The following CLSTN2 variants were observed in gnomAD, a reference collection of about 807,000 sequenced individuals.
The protein encoded by CLSTN2 is calsyntenin-2.
A neutral mutation model predicts 101.2 loss-of-function variants in CLSTN2; 48 were observed. That is an observed-to-expected ratio of 0.47 (90% CI 0.38 to 0.60). CLSTN2 has a LOEUF of 0.60. CLSTN2 is among the 20% of genes least tolerant of loss of function. CLSTN2 has a pLI of 0.00. For synonymous variants in CLSTN2, 481 were observed against 463.6 expected (o/e 1.04, Z -0.48); for missense variants, 1,160 against 1,238.2 (o/e 0.94, Z 0.95).
chr3:140,537,512 C>T (rs1433096964), intron 9 of CLSTN2, among the ~76,000 whole-genome samples: 2 of 151,802 alleles, frequency 1.3e-5, no homozygotes, highest in Non-Finnish European at 2.9e-5. Context: ...AAAGAGGTCC[C>T]CTTCCTCTGT....
At position 140,516,823 on chromosome 3, in the gene CLSTN2, T is replaced by C. The variant is rs180692245; in HGVS notation, c.1345-15501T>C. On this transcript the variant is annotated intron_variant, in intron 8 of 16. Coordinates refer to ENST00000458420, the MANE Select transcript of CLSTN2 (RefSeq NM_022131.3). ...ACAATGTGCTTAGGCAATGATCTTT[T>C]TGTGATAAATTTCCAAGGTGTTCTT... Among the ~76,000 whole-genome samples, 11 of 152,302 alleles carry C rather than the reference T, an allele frequency of 7.2e-5. 1 individual carries two copies. The highest frequency in any genetic ancestry group is 4.4e-5 in the Non-Finnish European group (3 of 68,016).
chr3:140,447,809 A>G (rs112252755), intron 5 of CLSTN2, among the ~76,000 whole-genome samples: 4,673 of 152,320 alleles, frequency 0.031, 108 homozygotes, highest in Middle Eastern at 0.068. Context: ...GCACATTAGA[A>G]AAAAAGGAGA....
chr3:140,043,435 G>C (rs2007802229), intron 1 of CLSTN2, among the ~76,000 whole-genome samples: 1 of 152,206 alleles, frequency 6.6e-6, no homozygotes, highest in South Asian at 2.1e-4. Flanking sequence ...CCCTTTGCCA[G>C]ATGGGTAGAT....
chr3:140,017,999 C>A (rs988763411), intron 1 of CLSTN2, among the ~76,000 whole-genome samples: 1 of 152,136 alleles, frequency 6.6e-6, no homozygotes, highest in Non-Finnish European at 1.5e-5. Flanking sequence ...CAGACCAGTA[C>A]AGTCTATTTT....
At chr3:140,456,256 G>A (rs1327006118) in intron 6 of CLSTN2, among the ~76,000 whole-genome samples, 1 of 152,188 alleles carries the variant, frequency 6.6e-6, no homozygotes, top group Non-Finnish European at 1.5e-5. Flanking sequence ...CACTGAGGAG[G>A]TGCAATGGGG....
At chr3:140,450,815 A>C (rs6439924) in intron 6 of CLSTN2, among the ~76,000 whole-genome samples, 31,843 of 152,114 alleles carry the variant, frequency 0.21, 3,945 homozygotes, top group African/African-American at 0.34. Context: ...TTAGAACTGA[A>C]TGTGAAATAA....
chr3:140,030,931 A>G (rs1576402779), intron 1 of CLSTN2, among the ~76,000 whole-genome samples: 1 of 152,086 alleles, frequency 6.6e-6, no homozygotes, highest in East Asian at 1.9e-4. Context: ...GGAAAGATGC[A>G]CCCCAGATGA....
At chr3:140,217,459 T>G (rs2010934877) in intron 2 of CLSTN2, among the ~76,000 whole-genome samples, 1 of 152,194 alleles carries the variant, frequency 6.6e-6, no homozygotes, top group African/African-American at 2.4e-5. Context: ...TCCATGGTTT[T>G]CCGAGATCCA....
rs561429458 is a variant in CLSTN2 at position 140,464,842 on chromosome 3, C to T, written c.1223-1768C>T. ...CAATCCAGACGCTAAAAATGGTCCC[C>T]CAGATGTTGGCCGAGGCCAGCCCTG... On this transcript the variant is annotated intron_variant, in intron 7 of 16. Transcript: ENST00000458420. Among the ~76,000 whole-genome samples, 305 of 152,292 alleles carry T rather than the reference C, an allele frequency of 2.0e-3. 1 individual carries two copies. The highest frequency in any genetic ancestry group is 3.4e-3 in the Non-Finnish European group (234 of 68,020).
intron 1 of CLSTN2, among the ~76,000 whole-genome samples, chr3:140,163,460 CTAGA>C (rs1368101918): frequency 7.1e-6 from 1 of 140,978 alleles, no homozygotes; most frequent in Non-Finnish European, 1.5e-5. Flanking sequence ...AGATGTAGAG[CTAGA>C]TAGATATAGA....
intron 2 of CLSTN2, among the ~76,000 whole-genome samples, chr3:140,259,802 G>A (rs2086634726): frequency 6.6e-6 from 1 of 152,122 alleles, no homozygotes; most frequent in African/African-American, 2.4e-5. Flanking sequence ...TTTAGGATAG[G>A]TGAGTTCATT....
intron 1 of CLSTN2, among the ~76,000 whole-genome samples, chr3:140,098,080 G>A (rs2107788714): frequency 6.6e-6 from 1 of 152,208 alleles, no homozygotes; most frequent in East Asian, 1.9e-4. Flanking sequence ...GCCAAAAATG[G>A]TGAGACTGTA....
chr3:140,564,922 T>C (rs1398398040), intron 16 of CLSTN2, among the ~76,000 whole-genome samples: 2 of 152,126 alleles, frequency 1.3e-5, no homozygotes, highest in Non-Finnish European at 2.9e-5. Flanking sequence ...TTAGAAAAGG[T>C]AGGGGAAGAT....
intron 2 of CLSTN2, among the ~76,000 whole-genome samples, chr3:140,206,851 A>G (rs1202326336): frequency 6.6e-6 from 1 of 152,298 alleles, no homozygotes; most frequent in South Asian, 2.1e-4. Flanking sequence ...GAAAATGCCC[A>G]GTAGCCAATA....
At chr3:140,103,371 C>A (rs909670482) in intron 1 of CLSTN2, among the ~76,000 whole-genome samples, 2 of 152,116 alleles carry the variant, frequency 1.3e-5, no homozygotes, top group Non-Finnish European at 2.9e-5. Context: ...GCAGCTACCC[C>A]CTCCATAGTG....
chr3:140,043,138 C>T (rs2007796123), intron 1 of CLSTN2, among the ~76,000 whole-genome samples: 1 of 152,142 alleles, frequency 6.6e-6, no homozygotes, highest in Non-Finnish European at 1.5e-5. Context: ...ACAGTCCCAC[C>T]AACAGTGTAA....
At chr3:140,130,902 A>T (rs2009512340) in intron 1 of CLSTN2, among the ~76,000 whole-genome samples, 1 of 152,084 alleles carries the variant, frequency 6.6e-6, no homozygotes, top group Admixed American at 6.6e-5. Context: ...ACAACCCTTT[A>T]CACCATAGTT....
intron 2 of CLSTN2, among the ~76,000 whole-genome samples, chr3:140,395,074 G>A (rs1475293097): frequency 6.6e-6 from 1 of 152,118 alleles, no homozygotes; most frequent in African/African-American, 2.4e-5. Context: ...AATAAAAAAA[G>A]AATCACCTTT....
At chr3:139,988,937 A>G (rs1022494423) in intron 1 of CLSTN2, among the ~76,000 whole-genome samples, 1 of 152,216 alleles carries the variant, frequency 6.6e-6, no homozygotes, top group Admixed American at 6.5e-5. Flanking sequence ...AGAGTGTGAT[A>G]GAAATGTGTC....
Sources: gnomAD v4.1 joint callset for allele counts (sites outside exome capture counted in the v4.1 genomes callset) on GRCh38, gnomAD v4.1.1 for gene constraint, MANE v1.5 for transcripts, NCBI Gene and HGNC (gene_info 2026-07-23, HGNC 2026-07-21) for gene names.